The following GRXCR2 variants were observed in gnomAD, a reference collection of about 807,000 sequenced individuals.
The protein encoded by GRXCR2 is glutaredoxin domain-containing cysteine-rich protein 2.
In GRXCR2, 23 loss-of-function variants were observed where a neutral mutation model predicts 24.8. The observed-to-expected ratio is 0.93, with a 90% CI of 0.67 to 1.32. The LOEUF (loss-of-function observed/expected upper bound fraction) is 1.32. GRXCR2 is among the 40% of genes most tolerant of loss of function. GRXCR2 has a pLI of 0.00. For synonymous variants in GRXCR2, 130 were observed against 116.1 expected (o/e 1.12, Z -0.77); for missense variants, 315 against 303.4 (o/e 1.04, Z -0.28).
intron 2 of GRXCR2, among the ~76,000 whole-genome samples, chr5:145,878,900 C>T (rs1426084308): frequency 6.6e-6 from 1 of 152,140 alleles, no homozygotes; most frequent in Non-Finnish European, 1.5e-5. Context: ...ATTCAACATT[C>T]TTAAAGAAAA....
chr5:145,863,744 C>G (rs908920710), intron 2 of GRXCR2, among the ~76,000 whole-genome samples: 1 of 152,146 alleles, frequency 6.6e-6, no homozygotes, highest in African/African-American at 2.4e-5. Flanking sequence ...GGGATCTTCC[C>G]TCCTCTGCCT....
intron 2 of GRXCR2, among the ~76,000 whole-genome samples, chr5:145,916,723 C>T (rs917166362): frequency 6.6e-6 from 1 of 152,162 alleles, no homozygotes; most frequent in Admixed American, 6.5e-5. Flanking sequence ...ATTAAGGTGA[C>T]TTCCTATATT....
At chr5:145,929,292 A>C (rs901232528) in intron 2 of GRXCR2, among the ~76,000 whole-genome samples, 1 of 149,146 alleles carries the variant, frequency 6.7e-6, no homozygotes, top group Non-Finnish European at 1.5e-5. Context: ...TTTATAAGTA[A>C]TGCTATAAGG....
At chr5:145,881,104 C>T (rs1380773857) in intron 2 of GRXCR2, among the ~76,000 whole-genome samples, 1 of 152,224 alleles carries the variant, frequency 6.6e-6, no homozygotes, top group African/African-American at 2.4e-5. Flanking sequence ...GAAGCATTCC[C>T]TTTGAATACT....
Position 145,866,685 on chromosome 5 carries a change from T to C in GRXCR2, c.380A>G (p.Asn127Ser). ...IDFGKIIIYT[N>S]NLKIIRTPMD... The stretch of plus-strand genomic sequence containing the variant: ...TGGGGTTCGAATGATTTTCAGGTTA[T>C]TAGTGTAGATGATTATCTTTCCAAA... Residue 127 changes from asparagine to serine, a missense_variant, in exon 2 of 3, where the codon AAT (asparagine) becomes AGT (serine). Physicochemically the swap from Asn to Ser is conservative, Grantham distance 46. Transcript: ENST00000377976. The C allele has an allele frequency of 2.5e-6, 4 of 1,613,380 alleles. No homozygotes were observed. The highest frequency in any genetic ancestry group is 3.4e-6 in the Non-Finnish European group (4 of 1,179,288).
Position 145,859,935 on chromosome 5 carries a change from G to A in GRXCR2, c.565-20C>T, listed in dbSNP as rs769545107. ...CCCTTCCTGCAAGAGACAGGTTAGG[G>A]TTTAGTTAAAGCAGCAGTTCAAGTC... On this transcript the variant is annotated intron_variant, in intron 2 of 2. Transcript: ENST00000377976. 11 of 1,539,102 alleles carry A rather than the reference G, an allele frequency of 7.1e-6. No individual in the cohort carries two copies. The South Asian group carries it at 1.3e-4, about 18-fold the overall frequency.
At chr5:145,902,600 G>T (rs189501001) in intron 2 of GRXCR2, among the ~76,000 whole-genome samples, 1 of 152,284 alleles carries the variant, frequency 6.6e-6, no homozygotes, top group Admixed American at 6.5e-5. Context: ...GGGGGTAGAT[G>T]TGTGCTCAAG....
intron 2 of GRXCR2, among the ~76,000 whole-genome samples, chr5:145,881,804 A>G (rs1247882919): frequency 1.3e-5 from 2 of 152,234 alleles, no homozygotes; most frequent in Admixed American, 6.5e-5. Context: ...ACAGCATGGT[A>G]CTGGTACCTA....
chr5:145,907,161 G>T (rs1171395648), intron 2 of GRXCR2, among the ~76,000 whole-genome samples: 1 of 152,136 alleles, frequency 6.6e-6, no homozygotes, highest in Non-Finnish European at 1.5e-5. Flanking sequence ...TTAAGAATTT[G>T]CCTTTCATCC....
chr5:145,869,317 T>C lies in GRXCR2; in HGVS notation c.337-2589A>G, dbSNP rs879761601. 2.0e-4 allele frequency among the ~76,000 whole-genome samples: 31 copies of C among 152,332 alleles called. 1 individual carries two copies. The highest frequency in any genetic ancestry group is 7.2e-4 in the African/African-American group (30 of 41,576). On this transcript the variant is annotated intron_variant, in intron 1 of 2. Coordinates refer to ENST00000377976, the MANE Select transcript of GRXCR2 (RefSeq NM_001080516.2). ...TTATGCAATATGTATAAAGTAGGTG[T>C]TCAGTAAATGTTACCTCCCTTCCTT...
chr5:145,926,019 T>G (rs1757389482), intron 2 of GRXCR2, among the ~76,000 whole-genome samples: 1 of 152,032 alleles, frequency 6.6e-6, no homozygotes, highest in Admixed American at 6.6e-5. Flanking sequence ...TGTCAGCTTT[T>G]GCACAGACTT....
chr5:145,884,190 A>G (rs1291635241), intron 2 of GRXCR2, among the ~76,000 whole-genome samples: 1 of 152,200 alleles, frequency 6.6e-6, no homozygotes, highest in Non-Finnish European at 1.5e-5. Flanking sequence ...TACAAGAAGT[A>G]CAGAGAATAG....
At chr5:145,861,453 C>G (rs1756337111) in intron 2 of GRXCR2, among the ~76,000 whole-genome samples, 1 of 152,122 alleles carries the variant, frequency 6.6e-6, no homozygotes, top group Non-Finnish European at 1.5e-5. Flanking sequence ...TCCTGCTTGT[C>G]CCCAGAAGTC....
At chr5:145,921,729 A>G (rs17104008) in intron 2 of GRXCR2, among the ~76,000 whole-genome samples, 2,196 of 152,322 alleles carry the variant, frequency 0.014, 60 homozygotes, top group African/African-American at 0.05. Context: ...GGGATTTACC[A>G]GGAACCTTCC....
At chr5:145,900,013 CAA>C (rs1757003022) in intron 2 of GRXCR2, among the ~76,000 whole-genome samples, 1 of 152,098 alleles carries the variant, frequency 6.6e-6, no homozygotes, top group Non-Finnish European at 1.5e-5. Flanking sequence ...CTGCATCCGA[CAA>C]AGTTTTAACA....
chr5:145,877,807 G>T (rs954321772), upstream of GRXCR2, among the ~76,000 whole-genome samples: 1 of 152,234 alleles, frequency 6.6e-6, no homozygotes, highest in African/African-American at 2.4e-5. Context: ...GTGCCCCTCT[G>T]GGATGAAGCT....
intron 2 of GRXCR2, among the ~76,000 whole-genome samples, chr5:145,929,263 G>A (rs1416170893): frequency 1.4e-5 from 2 of 142,536 alleles, no homozygotes; most frequent in African/African-American, 5.2e-5. Context: ...TTGGACATCA[G>A]GCTGTTTAAC....
rs181153935 is a variant in GRXCR2 at position 145,897,898 on chromosome 5, A to T, written c.-69-31170T>A. Among the ~76,000 whole-genome samples the T allele has an allele frequency of 7.2e-5, 11 of 152,196 alleles. No homozygotes were observed. The East Asian group carries it at 2.1e-3, about 29-fold the overall frequency. On this transcript the variant is annotated intron_variant, in intron 2 of 3. Transcript: ENST00000639411. ...TCTCAAATTAACAATCTAACATCAC[A>T]CCTAGAGGAATTAGAAAAACAAGAT...
intron 2 of GRXCR2, among the ~76,000 whole-genome samples, chr5:145,889,170 A>G (rs113797387): frequency 0.068 from 9,137 of 134,664 alleles, 714 homozygotes; most frequent in Non-Finnish European, 0.085. Context: ...CTCTGTCTCA[A>G]AAAAAGAAAG....
Sources: allele counts gnomAD v4.1 joint callset (sites outside exome capture counted in the v4.1 genomes callset), GRCh38; gene constraint gnomAD v4.1.1; transcripts MANE v1.5; gene names NCBI Gene and HGNC (gene_info 2026-07-23, HGNC 2026-07-21).